The following TLL2 variants were observed in gnomAD, a reference collection of about 807,000 sequenced individuals.
TLL2 encodes the protein tolloid-like protein 2.
In TLL2, 106 loss-of-function variants were observed where a neutral mutation model predicts 123.0. The ratio of observed to expected loss-of-function variants is 0.86; its 90% CI spans 0.74 to 1.01. The LOEUF (loss-of-function observed/expected upper bound fraction) is 1.01. Ranked by LOEUF, TLL2 falls within the 50% of genes least tolerant of loss-of-function variation. The pLI, the probability that TLL2 is intolerant of heterozygous loss-of-function variation, is 0.00. For missense variants in TLL2, 1,332 were observed against 1,336.7 expected, an observed-to-expected ratio of 1.00 and a Z score of 0.06; for synonymous variants, 494 against 516.8, an observed-to-expected ratio of 0.96 and a Z score of 0.60.
At chr10:96,450,343 C>G (rs1351018099) in intron 2 of TLL2, among the ~76,000 whole-genome samples, 1 of 132,452 alleles carries the variant, frequency 7.5e-6, no homozygotes, top group Non-Finnish European at 1.6e-5. Context: ...ACTTTGGCTG[C>G]GATTTGAATC....
Position 96,376,783 on chromosome 10 carries a change from G to C in TLL2, c.2357C>G (p.Thr786Ser), listed in dbSNP as rs1295119953. 2 of 1,591,758 alleles carry C rather than the reference G, an allele frequency of 1.3e-6. No individual in the cohort carries two copies. Among genetic ancestry groups the C allele is most frequent in the East Asian group, 4.6e-5 (2 of 43,384 alleles). The change falls in exon 18 of 21, where the codon ACC becomes AGC. Residue 786 changes from threonine (T) to serine (S), a missense_variant. Transcript: ENST00000357947. ...GTCAGGCCAGTTGGGGCTCGCCAGG[G>C]TCCCCTCCACACTGCTGATCTTGTG... The part of the protein sequence containing the change: ...CAHKISSVEG[T>S]LASPNWPDKY...
intron 6 of TLL2, 141 bp from the exon 7 acceptor site, chr10:96,421,202 T>A: frequency 1.6e-6 from 1 of 622,454 alleles, no homozygotes; most frequent in Non-Finnish European, 2.8e-6. Context: ...TTGTAGTGGT[T>A]CTTGTTGTTT....
intron 2 of TLL2, among the ~76,000 whole-genome samples, chr10:96,449,891 A>T (rs1239898785): frequency 1.3e-5 from 2 of 152,002 alleles, no homozygotes; most frequent in Non-Finnish European, 2.9e-5. Flanking sequence ...TCCTCTGAGT[A>T]TCCGCCCCCC....
In TLL2 at chr10:96,423,034, A is replaced by C. The variant is rs1846641307; in HGVS notation, c.639-307T>G. ...TCCCAGCTACTTGGGAGGTTGAGGC[A>C]GGAGAACTGCTTGAACCCCGGAGGC... On this transcript the variant is annotated intron_variant, in intron 5 of 20. Coordinates refer to ENST00000357947, the MANE Select transcript of TLL2 (RefSeq NM_012465.4). 3.3e-5 allele frequency among the ~76,000 whole-genome samples: 5 copies of C among 151,834 alleles called. No homozygotes were observed. In the South Asian group the frequency reaches 1.0e-3, roughly 32 times the overall value.
intron 6 of TLL2, among the ~76,000 whole-genome samples, chr10:96,421,703 G>C (rs1330642255): frequency 2.0e-5 from 3 of 151,798 alleles, no homozygotes; most frequent in African/African-American, 7.3e-5. Context: ...TGGGCGTGGT[G>C]GTGGGTGCCT....
chr10:96,462,502 C>T (rs1847091291), intron 2 of TLL2, among the ~76,000 whole-genome samples: 1 of 152,142 alleles, frequency 6.6e-6, no homozygotes, highest in South Asian at 2.1e-4. Flanking sequence ...AACTAGTGAA[C>T]ACCTAACCAT....
chr10:96,476,248 T>TTGTTGTTGTTG lies in TLL2; in HGVS notation c.286+4100_286+4101insCAACAACAACA, dbSNP rs1554939657. 2.5e-4 allele frequency among the ~76,000 whole-genome samples: 17 copies of TTGTTGTTGTTG among 69,230 alleles called. 2 individuals are homozygous for TTGTTGTTGTTG. Among genetic ancestry groups the TTGTTGTTGTTG allele is most frequent in the African/African-American group, 1.1e-3 (17 of 16,036 alleles). 45.4% of individuals were successfully genotyped at this position (69,230 alleles called of 152,430 possible). On this transcript the variant is annotated intron_variant, in intron 2 of 20. Coordinates refer to ENST00000357947, the MANE Select transcript of TLL2 (RefSeq NM_012465.4). ...TATATATATATATATATATTTTATT[T>TTGTTGTTGTTG]TTGTTGTTGTTGTTGTTGTTGAGAC...
At chr10:96,454,011 G>GCACA (rs138026221) in intron 2 of TLL2, among the ~76,000 whole-genome samples, 25,164 of 149,902 alleles carry the variant, frequency 0.17, 2,558 homozygotes, top group East Asian at 0.3. Context: ...GTGTGCGCCT[G>GCACA]CACACACACA....
In TLL2 at chr10:96,373,819, G is replaced by C; in HGVS notation, c.2449-10C>G. The C allele has an allele frequency of 6.2e-7, 1 of 1,611,678 alleles. No individual in the cohort carries two copies. The highest frequency in any genetic ancestry group is 1.1e-5 in the South Asian group (1 of 91,030). On this transcript the variant is annotated splice_polypyrimidine_tract_variant and intron_variant, in intron 18 of 20. Transcript: ENST00000357947. ...CAAACTCATTAAAGGTCTGGGGACA[G>C]AAGAGCAGAAAGTAAGGCAAGGGCC...
intron 2 of TLL2, among the ~76,000 whole-genome samples, chr10:96,476,241 T>TATATATATATATATATATATATA (rs1554939631): frequency 9.7e-5 from 7 of 72,376 alleles, no homozygotes; most frequent in South Asian, 5.1e-4. Context: ...TATATATATA[T>TATATATATATATATATATATATA]TTTATTTTTG....
chr10:96,476,331 C>T (rs1313666011), intron 2 of TLL2, among the ~76,000 whole-genome samples: 7 of 148,410 alleles, frequency 4.7e-5, no homozygotes, highest in East Asian at 2.0e-4. Context: ...CTAGTGAAAT[C>T]GTACTAGCAA....
chr10:96,431,631 T>G (rs867873483), intron 4 of TLL2, among the ~76,000 whole-genome samples: 18 of 152,042 alleles, frequency 1.2e-4, no homozygotes, highest in Non-Finnish European at 5.9e-5. Flanking sequence ...CTGCTCTAGG[T>G]GTTGGAGATA....
chr10:96,403,679 C>T (rs201623765), intron 10 of TLL2, among the ~76,000 whole-genome samples: 174 of 152,178 alleles, frequency 1.1e-3, no homozygotes, highest in East Asian at 3.5e-3. Flanking sequence ...TCCCCCAGCC[C>T]GACACCCGTA....
intron 1 of TLL2, among the ~76,000 whole-genome samples, chr10:96,489,813 T>C (rs1220690179): frequency 6.6e-6 from 1 of 152,104 alleles, no homozygotes; most frequent in East Asian, 1.9e-4. Context: ...ATAACATATC[T>C]CAGCCGGGTG....
intron 1 of TLL2, among the ~76,000 whole-genome samples, chr10:96,511,345 G>A (rs1847629818): frequency 6.6e-6 from 1 of 152,228 alleles, no homozygotes. Flanking sequence ...TTTCCAAGAG[G>A]ATGGGCGGAC....
intron 16 of TLL2, 113 bp from the exon 17 acceptor site, chr10:96,379,205 CCTT>C: frequency 1.5e-6 from 2 of 1,350,072 alleles, no homozygotes; most frequent in Admixed American, 3.9e-5. Flanking sequence ...TGATTGCTCC[CCTT>C]CCCCCTCTGA....
At chr10:96,443,006 G>A (rs1846864018) in intron 3 of TLL2, among the ~76,000 whole-genome samples, 1 of 152,198 alleles carries the variant, frequency 6.6e-6, no homozygotes, top group Admixed American at 6.5e-5. Context: ...TAGCTACTAA[G>A]TGGGTGAGCT....
At chr10:96,459,371 G>A (rs1489283588) in intron 2 of TLL2, among the ~76,000 whole-genome samples, 1 of 151,870 alleles carries the variant, frequency 6.6e-6, no homozygotes, top group Non-Finnish European at 1.5e-5. Flanking sequence ...GCTCACACCT[G>A]TAATCCCAGA....
chr10:96,427,337 C>G (rs1446717613), intron 5 of TLL2, among the ~76,000 whole-genome samples: 4 of 152,176 alleles, frequency 2.6e-5, no homozygotes, highest in Non-Finnish European at 5.9e-5. Flanking sequence ...AGAATCAACT[C>G]TATTAACTGT....
Sources: allele counts gnomAD v4.1 joint callset (sites outside exome capture counted in the v4.1 genomes callset), GRCh38; gene constraint gnomAD v4.1.1; transcripts MANE v1.5; gene names NCBI Gene and HGNC (gene_info 2026-07-23, HGNC 2026-07-21).